Variants in LSG1 observed in about 807,000 individuals in gnomAD.
The protein encoded by LSG1 is large subunit GTPase 1 homolog.
Under a neutral mutation model 82.6 loss-of-function variants are expected in LSG1, and 55 were observed. The observed-to-expected ratio is 0.67, with a 90% CI of 0.54 to 0.83. The LOEUF is 0.83. LSG1 is among the 40% of genes least tolerant of loss of function. The pLI is 0.00. For synonymous variants in LSG1, 272 were observed against 282.5 expected, an observed-to-expected ratio of 0.96 and a Z score of 0.37; for missense variants, 809 against 807.9, an observed-to-expected ratio of 1.00 and a Z score of -0.02.
intron 5 of LSG1, chr3:194,660,928 C>G (rs1419590142): frequency 2.2e-6 from 1 of 456,358 alleles, no homozygotes; most frequent in Admixed American, 2.3e-5. Flanking sequence ...GGAGGCTCCT[C>G]CCTTCCTTCA....
intron 2 of LSG1, among the ~76,000 whole-genome samples, chr3:194,667,333 G>A (rs1188535177): frequency 6.6e-6 from 1 of 152,130 alleles, no homozygotes; most frequent in Admixed American, 6.5e-5. Context: ...TTACAGGCAT[G>A]AGCCACCGCA....
chr3:194,641,958 C>T lies in LSG1; in HGVS notation c.*110G>A, dbSNP rs996217446. On this transcript the variant is annotated 3_prime_UTR_variant, in exon 14 of 14. Transcript: ENST00000265245. ...TGGGTGCAGCCGTGCTCTGCAAGAG[C>T]AGGGCCCGTTCTACAGTGCTAGTGT... 9 of 1,201,316 alleles carry T rather than the reference C, an allele frequency of 7.5e-6. No individual in the cohort carries two copies. The highest frequency in any genetic ancestry group is 1.5e-5 in the African/African-American group (1 of 65,406). The allele number at this position is 1,201,316 out of a possible 1,614,324, so 74.4% of individuals were successfully genotyped here.
chr3:194,642,660 G>A (rs956389400), intron 13 of LSG1, among the ~76,000 whole-genome samples: 2 of 151,978 alleles, frequency 1.3e-5, no homozygotes, highest in African/African-American at 2.4e-5. Flanking sequence ...TACTCTAGAG[G>A]TTACAGTTTA....
Position 194,648,712 on chromosome 3 carries a change from T to TG in LSG1, c.1511dup (p.Thr505AsnfsTer39). On this transcript the variant is annotated frameshift_variant, in exon 11 of 14. Coordinates refer to ENST00000265245, the MANE Select transcript of LSG1 (RefSeq NM_018385.3). LOFTEE classifies it high-confidence loss of function. ...AAGCTGTCAACAGTTCTTCCGATGT[T>TG]GGAGGTCGGTGGGGATCTTCATCCT... is the stretch of plus-strand genomic sequence containing the variant. 1 of 1,614,150 alleles carries TG rather than the reference T, an allele frequency of 6.2e-7. No individual in the cohort carries two copies. Among genetic ancestry groups the TG allele is most frequent in the Non-Finnish European group, 8.5e-7 (1 of 1,180,006 alleles).
chr3:194,668,225 A>ATGC, intron 2 of LSG1, among the ~76,000 whole-genome samples: 1 of 152,210 alleles, frequency 6.6e-6, no homozygotes, highest in East Asian at 1.9e-4. Context: ...ATTACGAATA[A>ATGC]TGCTGCTATG....
chr3:194,645,575 GACACACACAC>G (rs57272537), intron 12 of LSG1, among the ~76,000 whole-genome samples: 203 of 20,118 alleles, frequency 0.01, 20 homozygotes, highest in Middle Eastern at 0.033. Flanking sequence ...CACACAGACA[GACACACACAC>G]ACACACACAC....
chr3:194,670,681 A>AAAAAC (rs373426286), intron 1 of LSG1, among the ~76,000 whole-genome samples: 5 of 152,206 alleles, frequency 3.3e-5, no homozygotes, highest in African/African-American at 1.2e-4. Context: ...GGGAAAAAAT[A>AAAAAC]AAAACAAAAC....
At chr3:194,667,411 T>C (rs935773120) in intron 2 of LSG1, among the ~76,000 whole-genome samples, 2 of 152,136 alleles carry the variant, frequency 1.3e-5, no homozygotes, top group Non-Finnish European at 2.9e-5. Flanking sequence ...CCCTCTCTAC[T>C]GTCTCACCCC....
intron 11 of LSG1, among the ~76,000 whole-genome samples, chr3:194,647,238 G>A (rs1718573170): frequency 6.6e-6 from 1 of 152,096 alleles, no homozygotes; most frequent in Non-Finnish European, 1.5e-5. Context: ...ACCAAACCCA[G>A]TCAAACCAAA....
rs369105069 is a variant in LSG1, at chr3:194,641,302, A to G, written c.*766T>C. ...TAGGACATTTTTATCACTGCAAAAG[A>G]AAGACCTCAATCTTCCCATTCCTCC... On this transcript the variant is annotated 3_prime_UTR_variant, in exon 14 of 14. Transcript: ENST00000265245. 3 of 152,360 alleles carry G rather than the reference A, an allele frequency of 2.0e-5. No homozygotes were observed. In the South Asian group the frequency reaches 6.2e-4, roughly 32 times the overall value. The allele number at this position is 152,360 out of a possible 1,614,324, so 9.4% of individuals were successfully genotyped here.
chr3:194,668,355 A>AT (rs886855158), intron 2 of LSG1, among the ~76,000 whole-genome samples: 5 of 152,222 alleles, frequency 3.3e-5, no homozygotes, highest in African/African-American at 1.2e-4. Flanking sequence ...AACTGCCAAA[A>AT]TTTTTTTATA....
At chr3:194,645,495 T>TACACACACACACACACACACACACAC in intron 12 of LSG1, 1 of 62,032 alleles carries the variant, frequency 1.6e-5, no homozygotes, top group Non-Finnish European at 3.0e-5. Flanking sequence ...AGCTTAGTGC[T>TACACACACACACACACACACACACAC]ACACACACAC....
At chr3:194,645,585 C>CACACACACACAG (rs1718529797) in intron 12 of LSG1, among the ~76,000 whole-genome samples, 2 of 74,722 alleles carry the variant, frequency 2.7e-5, no homozygotes, top group Non-Finnish European at 5.7e-5. Flanking sequence ...GACACACACA[C>CACACACACACAG]ACACACACAC....
intron 12 of LSG1, chr3:194,645,308 G>A (rs1371404791): frequency 1.3e-5 from 2 of 152,234 alleles, no homozygotes; most frequent in African/African-American, 2.4e-5. Flanking sequence ...CTGAACTGAA[G>A]GCAAGCCCAT....
chr3:194,658,910 T>C lies in LSG1; in HGVS notation c.759+47A>G, dbSNP rs777883514. 4.8e-6 allele frequency: 7 copies of C among 1,469,558 alleles called. No homozygotes were observed. In the Admixed American group the frequency reaches 1.3e-4, roughly 28 times the overall value. 91.0% of individuals were successfully genotyped at this position (1,469,558 alleles called of 1,614,324 possible). ...ACAAACGAAGCACATTAACAAGAAA[T>C]CAAAATTCCCTCTTTGAAAGCCAAC... On this transcript the variant is annotated intron_variant, in intron 7 of 13. Coordinates refer to ENST00000265245, the MANE Select transcript of LSG1 (RefSeq NM_018385.3).
At chr3:194,644,953 C>T (rs746882721) in intron 12 of LSG1, 42 of 399,472 alleles carry the variant, frequency 1.1e-4, no homozygotes, top group African/African-American at 5.1e-4. Flanking sequence ...CTTCCCATGG[C>T]GCCCCAGACT....
chr3:194,648,118 C>T (rs1311224063), intron 11 of LSG1, among the ~76,000 whole-genome samples: 6 of 148,224 alleles, frequency 4.0e-5, no homozygotes, highest in Non-Finnish European at 4.4e-5. Context: ...CAAGGTTCTC[C>T]AGGCCACCTT....
At chr3:194,653,166 A>G in intron 7 of LSG1, 24 bp from the exon 8 acceptor site, 1 of 1,600,042 alleles carries the variant, frequency 6.2e-7, no homozygotes, top group Non-Finnish European at 8.5e-7. Context: ...AGAAACGCTC[A>G]GAAGTATATA....
chr3:194,659,746 C>A (rs1331759368), intron 6 of LSG1, among the ~76,000 whole-genome samples: 2 of 152,098 alleles, frequency 1.3e-5, no homozygotes, highest in African/African-American at 4.8e-5. Context: ...GTGAAGTGAC[C>A]GGCAATATGC....
Sources: allele counts gnomAD v4.1 joint callset (sites outside exome capture counted in the v4.1 genomes callset), GRCh38; gene constraint gnomAD v4.1.1; transcripts MANE v1.5; gene names NCBI Gene and HGNC (gene_info 2026-07-23, HGNC 2026-07-21).